SPHKAP: variants seen among roughly 807,000 people sequenced by gnomAD.
SPHKAP encodes the protein SPHK1 interactor, AKAP domain containing.
SPHKAP carries 67 observed loss-of-function variants against 137.5 expected under a neutral mutation model. That is an observed-to-expected ratio of 0.49 (90% CI 0.40 to 0.60). The LOEUF is 0.60. SPHKAP is among the 20% of genes least tolerant of loss of function. The pLI, the probability that SPHKAP is intolerant of heterozygous loss-of-function variation, is 0.00. For synonymous variants in SPHKAP, 813 were observed against 785.3 expected, an observed-to-expected ratio of 1.04 and a Z score of -0.59; for missense variants, 2,097 against 2,069.3, an observed-to-expected ratio of 1.01 and a Z score of -0.26.
intron 3 of SPHKAP, among the ~76,000 whole-genome samples, chr2:228,097,717 TA>T (rs150831894): frequency 0.051 from 7,796 of 152,268 alleles, 235 homozygotes; most frequent in South Asian, 0.086. Context: ...TGTCCATGTG[TA>T]CCCAATGTTT....
chr2:228,162,666 A>G (rs922202153), intron 1 of SPHKAP, among the ~76,000 whole-genome samples: 2 of 152,316 alleles, frequency 1.3e-5, no homozygotes, highest in Admixed American at 6.5e-5. Context: ...TTGGCAGAAT[A>G]CATAGGAGAG....
At chr2:228,146,311 A>G (rs1699774964) in intron 1 of SPHKAP, among the ~76,000 whole-genome samples, 1 of 152,166 alleles carries the variant, frequency 6.6e-6, no homozygotes, top group African/African-American at 2.4e-5. Flanking sequence ...GGCCTTGTGT[A>G]TTCTATAGGT....
chr2:228,100,864 A>G (rs1373090110), intron 3 of SPHKAP, among the ~76,000 whole-genome samples: 1 of 152,104 alleles, frequency 6.6e-6, no homozygotes, highest in Non-Finnish European at 1.5e-5. Flanking sequence ...GCTACATAGA[A>G]AGAGTTAGGA....
At chr2:228,021,197 A>C (rs1433255085) in intron 6 of SPHKAP, among the ~76,000 whole-genome samples, 3 of 152,198 alleles carry the variant, frequency 2.0e-5, no homozygotes, top group Non-Finnish European at 4.4e-5. Flanking sequence ...TTCCTGGATT[A>C]TCTCTTTCTG....
intron 5 of SPHKAP, chr2:228,022,242 G>A (rs535191183): frequency 1.0e-6 from 1 of 966,354 alleles, no homozygotes; most frequent in African/African-American, 1.8e-5. Context: ...AATTCAACTG[G>A]GTAAAGTTAA....
intron 2 of SPHKAP, among the ~76,000 whole-genome samples, chr2:228,127,946 T>TA (rs564026671): frequency 5.3e-5 from 8 of 152,072 alleles, no homozygotes; most frequent in East Asian, 3.9e-4. Flanking sequence ...ACATTGTAGC[T>TA]AAAAAAAATG....
intron 1 of SPHKAP, among the ~76,000 whole-genome samples, chr2:228,156,044 G>C (rs886836317): frequency 7.9e-5 from 12 of 152,148 alleles, no homozygotes; most frequent in African/African-American, 2.4e-4. Flanking sequence ...GTCTTCCCTT[G>C]TGAAGGATTT....
intron 1 of SPHKAP, among the ~76,000 whole-genome samples, chr2:228,141,679 T>C (rs921215471): frequency 2.6e-5 from 4 of 152,262 alleles, no homozygotes; most frequent in Non-Finnish European, 4.4e-5. Context: ...TTTAATCAAT[T>C]ATTCTAAGAC....
rs1574754056 is a variant in SPHKAP, at chr2:228,018,199, T to C, written c.2655A>G (p.Glu885=). The C allele has an allele frequency of 6.2e-7, 1 of 1,614,134 alleles. No homozygotes were observed. The highest frequency in any genetic ancestry group is 8.5e-7 in the Non-Finnish European group (1 of 1,180,024). The change falls in exon 7 of 12, where the codon GAA becomes GAG. Residue 885 remains glutamate (E), a synonymous_variant. Coordinates refer to ENST00000392056, the MANE Select transcript of SPHKAP (RefSeq NM_001142644.2). ...TGCGAGATGTGGCACAGTTGTACTT[T>C]TCTTGGGTGTTTGGGTGGATACTCT... ...AEESIHPNTQ[E]KYNCATSRIN...
intron 3 of SPHKAP, among the ~76,000 whole-genome samples, chr2:228,071,307 T>C (rs976506770): frequency 2.0e-5 from 3 of 152,246 alleles, no homozygotes; most frequent in African/African-American, 4.8e-5. Flanking sequence ...CTTTCATCTA[T>C]ATTAAAAACC....
In SPHKAP at chr2:228,016,595, G is replaced by T; in HGVS notation, c.4259C>A (p.Ser1420Ter). 6.2e-7 allele frequency: 1 copy of T among 1,614,032 alleles called. No individual in the cohort carries two copies. The highest frequency in any genetic ancestry group is 1.1e-5 in the South Asian group (1 of 91,058). ...CAAAGGCACTTCCCTCGAGCAAAGT[G>T]ATCGCCTTTTGTGGTTTATTGGTAC... Reference protein sequence around the residue: ...DPVPINHKRRSLCSREVPLIQ... With the variant: ...DPVPINHKRR Residue 1420 changes from serine to a stop codon, truncating the protein, a stop_gained, in exon 7 of 12, where the codon TCA becomes TAA. Coordinates refer to ENST00000392056, the MANE Select transcript of SPHKAP (RefSeq NM_001142644.2). LOFTEE classifies it high-confidence loss of function.
At chr2:228,092,157 A>T (rs4286265) in intron 3 of SPHKAP, among the ~76,000 whole-genome samples, 3 of 113,138 alleles carry the variant, frequency 2.7e-5, no homozygotes, top group Non-Finnish European at 5.6e-5. Flanking sequence ...ATACATATAC[A>T]TATATGTGTG....
chr2:228,022,057 T>G (rs2106220898), intron 5 of SPHKAP, 91 bp from the exon 6 acceptor site: 2 of 1,439,174 alleles, frequency 1.4e-6, no homozygotes, highest in African/African-American at 1.4e-5. Flanking sequence ...AGCTCTCCTG[T>G]TAATAGGAGT....
intron 3 of SPHKAP, among the ~76,000 whole-genome samples, chr2:228,039,395 A>C (rs1258594495): frequency 6.6e-6 from 1 of 152,112 alleles, no homozygotes; most frequent in African/African-American, 2.4e-5. Context: ...ATTCCTCACA[A>C]CTACTTACAT....
intron 1 of SPHKAP, among the ~76,000 whole-genome samples, chr2:228,146,635 T>A (rs925966552): frequency 2.6e-5 from 4 of 152,214 alleles, no homozygotes; most frequent in Admixed American, 6.5e-5. Context: ...TCATCACTGA[T>A]AAGTGAGAAC....
At chr2:228,143,597 G>A (rs991247949) in intron 1 of SPHKAP, among the ~76,000 whole-genome samples, 5 of 151,144 alleles carry the variant, frequency 3.3e-5, no homozygotes, top group Admixed American at 6.6e-5. Context: ...CCTGGTTCAA[G>A]CAATTCTCCT....
In SPHKAP at chr2:227,993,553, G is replaced by T; in HGVS notation, c.4702C>A (p.Pro1568Thr). The change falls in exon 9 of 12, where the codon CCA (proline) becomes ACA (threonine). Residue 1568 changes from proline (P) to threonine (T), a missense_variant. Pro to Thr is a conservative substitution (Grantham distance 38). Transcript: ENST00000392056. ...MDLDIYQESM[P>T]SSPMINELVE... ...ACTTACTTAATCATGGGAGAAGATG[G>T]CATGCTTTCCTGATAAATGTCCAGA... is the stretch of plus-strand genomic sequence containing the variant. 6.2e-7 allele frequency: 1 copy of T among 1,603,562 alleles called. No homozygotes were observed. The highest frequency in any genetic ancestry group is 8.5e-7 in the Non-Finnish European group (1 of 1,175,118).
chr2:228,056,343 T>C (rs1263068718), intron 3 of SPHKAP, among the ~76,000 whole-genome samples: 1 of 152,088 alleles, frequency 6.6e-6, no homozygotes. Flanking sequence ...CAGAGGAACA[T>C]GTAGAGATAT....
intron 1 of SPHKAP, among the ~76,000 whole-genome samples, chr2:228,147,805 C>T (rs1699818486): frequency 1.3e-5 from 2 of 152,108 alleles, no homozygotes; most frequent in Non-Finnish European, 2.9e-5. Context: ...ACTTTAAATC[C>T]CCACAGCATC....
Sources: allele counts gnomAD v4.1 joint callset (sites outside exome capture counted in the v4.1 genomes callset), GRCh38; gene constraint gnomAD v4.1.1; transcripts MANE v1.5; gene names NCBI Gene and HGNC (gene_info 2026-07-23, HGNC 2026-07-21).